PRKCE: variants seen among roughly 807,000 people sequenced by gnomAD.
PRKCE encodes the protein protein kinase C epsilon type.
PRKCE carries 16 observed loss-of-function variants against 85.4 expected under a neutral mutation model. That is an observed-to-expected ratio of 0.19 (90% CI 0.13 to 0.28). PRKCE has a LOEUF of 0.28. PRKCE is among the 10% of genes least tolerant of loss of function. The probability of loss-of-function intolerance (pLI) is 1.00; values close to 1 mark genes in which losing one functional copy is unlikely to be tolerated. For missense variants in PRKCE, 573 were observed against 975.2 expected, an observed-to-expected ratio of 0.59 and a Z score of 5.49; for synonymous variants, 388 against 371.5, an observed-to-expected ratio of 1.04 and a Z score of -0.51.
chr2:45,658,571 T>C (rs779392841), intron 1 of PRKCE, among the ~76,000 whole-genome samples: 4 of 152,234 alleles, frequency 2.6e-5, no homozygotes, highest in Non-Finnish European at 5.9e-5. Context: ...CTTAGGCTTT[T>C]TAAGCCCGTT....
intron 11 of PRKCE, among the ~76,000 whole-genome samples, chr2:46,101,029 C>A (rs751550118): frequency 1.1e-4 from 16 of 152,148 alleles, no homozygotes; most frequent in Non-Finnish European, 2.4e-4. Flanking sequence ...GCCAACTTGC[C>A]TGGTTCACTG....
At chr2:45,884,990 TATATATATA>T (rs1250495672) in intron 2 of PRKCE, among the ~76,000 whole-genome samples, 47 of 70,326 alleles carry the variant, frequency 6.7e-4, no homozygotes, top group East Asian at 3.7e-3. Context: ...TATATATATA[TATATATATA>T]TATTTGTTGT....
At chr2:46,052,244 C>T (rs528230893) in intron 10 of PRKCE, among the ~76,000 whole-genome samples, 8 of 152,244 alleles carry the variant, frequency 5.3e-5, no homozygotes, top group African/African-American at 1.9e-4. Context: ...GTAGAAAATA[C>T]TAGTCAATAC....
At chr2:45,656,059 G>A (rs1316143368) in intron 1 of PRKCE, among the ~76,000 whole-genome samples, 2 of 152,180 alleles carry the variant, frequency 1.3e-5, no homozygotes, top group Non-Finnish European at 2.9e-5. Context: ...CAGAAACTGA[G>A]TGTACCTGTC....
intron 1 of PRKCE, among the ~76,000 whole-genome samples, chr2:45,718,579 T>G (rs887927027): frequency 6.6e-5 from 10 of 152,084 alleles, no homozygotes; most frequent in Non-Finnish European, 1.3e-4. Context: ...CCTTACCTAG[T>G]GATCGGCCCA....
At chr2:45,816,704 T>TC (rs1689074119) in intron 1 of PRKCE, among the ~76,000 whole-genome samples, 1 of 152,126 alleles carries the variant, frequency 6.6e-6, no homozygotes, top group Admixed American at 6.5e-5. Flanking sequence ...TACCAGGGTA[T>TC]CCCCAGCGCC....
intron 1 of PRKCE, among the ~76,000 whole-genome samples, chr2:45,775,115 T>C (rs1173209184): frequency 6.6e-6 from 1 of 152,158 alleles, no homozygotes; most frequent in Non-Finnish European, 1.5e-5. Context: ...TCAGGTGTCG[T>C]GGCAGGCACT....
At chr2:45,989,129 G>A (rs72874398) in intron 6 of PRKCE, among the ~76,000 whole-genome samples, 2,390 of 152,298 alleles carry the variant, frequency 0.016, 69 homozygotes, top group African/African-American at 0.054. Flanking sequence ...GGCCTGCGGG[G>A]GCCTGTGGAA....
At chr2:45,653,116 T>C (rs1011701952) in intron 1 of PRKCE, among the ~76,000 whole-genome samples, 1 of 152,218 alleles carries the variant, frequency 6.6e-6, no homozygotes, top group Admixed American at 6.5e-5. Flanking sequence ...TGCTTGTGGG[T>C]AATTGGAAGT....
At chr2:45,958,351 T>C (rs1216764496) in intron 2 of PRKCE, among the ~76,000 whole-genome samples, 2 of 150,930 alleles carry the variant, frequency 1.3e-5, no homozygotes, top group Middle Eastern at 3.4e-3. Flanking sequence ...CTACTAAAAA[T>C]ACAAAAAATT....
At chr2:45,819,215 G>A (rs987834807) in intron 1 of PRKCE, among the ~76,000 whole-genome samples, 2 of 152,182 alleles carry the variant, frequency 1.3e-5, no homozygotes, top group Admixed American at 6.5e-5. Flanking sequence ...CTGTGAGGGA[G>A]GTACTTTGTC....
At chr2:45,899,723 C>T (rs1297625130) in intron 2 of PRKCE, among the ~76,000 whole-genome samples, 2 of 152,126 alleles carry the variant, frequency 1.3e-5, no homozygotes, top group African/African-American at 2.4e-5. Context: ...TTCCCGAAGG[C>T]CCTGAATTCT....
Position 46,005,795 on chromosome 2 carries a change from C to T in PRKCE, c.1063+1157C>T, listed in dbSNP as rs141431278. On this transcript the variant is annotated intron_variant, in intron 8 of 14. Coordinates refer to ENST00000306156, the MANE Select transcript of PRKCE (RefSeq NM_005400.3). ...CCAATTAACTTTCTGTGTCTTTATA[C>T]TCTACCTCATTCCAAATGAGATTTG... Among the ~76,000 whole-genome samples the T allele has an allele frequency of 4.0e-3, 602 of 152,322 alleles. 3 individuals are homozygous for T. The highest frequency in any genetic ancestry group is 0.014 in the African/African-American group (582 of 41,562).
chr2:46,091,442 T>C (rs1248858752), intron 11 of PRKCE, among the ~76,000 whole-genome samples: 1 of 152,172 alleles, frequency 6.6e-6, no homozygotes, highest in East Asian at 1.9e-4. Flanking sequence ...GGAGAAATTT[T>C]GTGATGATGC....
At chr2:45,945,491 A>C (rs1700180458) in intron 2 of PRKCE, among the ~76,000 whole-genome samples, 1 of 152,152 alleles carries the variant, frequency 6.6e-6, no homozygotes, top group African/African-American at 2.4e-5. Flanking sequence ...AACACCTCCC[A>C]CCAGGTCCCA....
At chr2:46,014,068 G>A (rs1705915959) in intron 10 of PRKCE, among the ~76,000 whole-genome samples, 1 of 152,148 alleles carries the variant, frequency 6.6e-6, no homozygotes, top group Non-Finnish European at 1.5e-5. Context: ...GCCTACCCTT[G>A]GCTCATGTGC....
At chr2:45,818,493 TG>T (rs1689264454) in intron 1 of PRKCE, among the ~76,000 whole-genome samples, 1 of 152,196 alleles carries the variant, frequency 6.6e-6, no homozygotes, top group Non-Finnish European at 1.5e-5. Flanking sequence ...GGACGGGACT[TG>T]GGTGGGCAAG....
intron 10 of PRKCE, among the ~76,000 whole-genome samples, chr2:46,040,387 GCAGAGCACC>G (rs1238245864): frequency 1.3e-5 from 2 of 152,176 alleles, no homozygotes; most frequent in African/African-American, 2.4e-5. Context: ...CAGACAGATG[GCAGAGCACC>G]GTGAATACCT....
At chr2:46,015,796 G>A (rs531483639) in intron 10 of PRKCE, among the ~76,000 whole-genome samples, 2 of 151,842 alleles carry the variant, frequency 1.3e-5, no homozygotes, top group African/African-American at 4.8e-5. Flanking sequence ...TGACAGAGCC[G>A]TTGAGGATGG....
Sources: allele counts gnomAD v4.1 joint callset (sites outside exome capture counted in the v4.1 genomes callset), GRCh38; gene constraint gnomAD v4.1.1; transcripts MANE v1.5; gene names NCBI Gene and HGNC (gene_info 2026-07-23, HGNC 2026-07-21).